The following UST variants were observed in gnomAD, a reference collection of about 807,000 sequenced individuals.
UST encodes the protein uronyl 2-sulfotransferase.
A neutral mutation model predicts 45.6 loss-of-function variants in UST; 21 were observed. The observed-to-expected ratio is 0.46, with a 90% CI of 0.33 to 0.66. UST has a LOEUF of 0.66. Among genes scored for constraint, UST ranks in the 30% least tolerant of loss-of-function variants. The probability of loss-of-function intolerance (pLI) is 0.02; values close to 1 mark genes in which losing one functional copy is unlikely to be tolerated. For synonymous variants in UST, 215 were observed against 200.6 expected, an observed-to-expected ratio of 1.07 and a Z score of -0.61; for missense variants, 463 against 512.4, an observed-to-expected ratio of 0.90 and a Z score of 0.93.
chr6:148,756,756 G>A (rs1003945596), intron 1 of UST, among the ~76,000 whole-genome samples: 1 of 152,166 alleles, frequency 6.6e-6, no homozygotes, highest in Non-Finnish European at 1.5e-5. Flanking sequence ...TCAGTGCTTC[G>A]CATCCCTGCT....
intron 1 of UST, among the ~76,000 whole-genome samples, chr6:148,853,581 G>A (rs1312054704): frequency 6.6e-6 from 1 of 152,190 alleles, no homozygotes; most frequent in Admixed American, 6.5e-5. Context: ...CCCACCAACA[G>A]TGTAAAAGCG....
intron 1 of UST, among the ~76,000 whole-genome samples, chr6:148,838,537 T>A (rs1293485968): frequency 6.6e-6 from 1 of 152,176 alleles, no homozygotes; most frequent in East Asian, 1.9e-4. Context: ...TTGCTGTTGC[T>A]GTTGCTGTTG....
chr6:148,851,427 TC>T (rs1401655628), intron 1 of UST, among the ~76,000 whole-genome samples: 1 of 152,120 alleles, frequency 6.6e-6, no homozygotes, highest in Non-Finnish European at 1.5e-5. Context: ...GGTAGAAAAT[TC>T]CTGGAAATCC....
At chr6:148,838,936 G>T (rs906467647) in intron 1 of UST, among the ~76,000 whole-genome samples, 5 of 151,984 alleles carry the variant, frequency 3.3e-5, no homozygotes, top group Admixed American at 3.3e-4. Context: ...TTCTGAATAG[G>T]TATATGCCCC....
chr6:149,048,619 G>A (rs1776428052), intron 7 of UST, among the ~76,000 whole-genome samples: 2 of 151,468 alleles, frequency 1.3e-5, no homozygotes, highest in African/African-American at 2.4e-5. Context: ...ACATACTTAA[G>A]TTGGCAAAAT....
intron 7 of UST, among the ~76,000 whole-genome samples, chr6:149,060,938 G>C (rs1044292521): frequency 1.3e-5 from 2 of 152,116 alleles, no homozygotes; most frequent in Non-Finnish European, 2.9e-5. Context: ...TATTAAACTA[G>C]TATTTGTTTG....
At chr6:148,869,958 A>C (rs1433434659) in intron 1 of UST, among the ~76,000 whole-genome samples, 1 of 152,198 alleles carries the variant, frequency 6.6e-6, no homozygotes, top group Non-Finnish European at 1.5e-5. Flanking sequence ...TTATGTGTGC[A>C]TTGACACCAA....
intron 4 of UST, among the ~76,000 whole-genome samples, chr6:148,960,014 C>T (rs1450436814): frequency 2.0e-5 from 3 of 152,008 alleles, no homozygotes; most frequent in East Asian, 1.9e-4. Context: ...CTTGGCTGGG[C>T]GCAGTGACTG....
intron 4 of UST, among the ~76,000 whole-genome samples, chr6:148,962,740 A>G: frequency 6.6e-6 from 1 of 152,352 alleles, no homozygotes; most frequent in South Asian, 2.1e-4. Flanking sequence ...TAAGGGCTCC[A>G]GGGTGTCATT....
chr6:148,806,035 T>C (rs1159601308), intron 1 of UST, among the ~76,000 whole-genome samples: 1 of 152,136 alleles, frequency 6.6e-6, no homozygotes, highest in Non-Finnish European at 1.5e-5. Context: ...GGAGGACCAG[T>C]TTCTTTGCTG....
At chr6:148,919,286 G>A (rs1363458550) in intron 2 of UST, among the ~76,000 whole-genome samples, 1 of 152,136 alleles carries the variant, frequency 6.6e-6, no homozygotes, top group Admixed American at 6.6e-5. Context: ...ACCACCAGAG[G>A]TCTTGCCAGC....
chr6:148,831,271 A>T (rs947574030), intron 1 of UST, among the ~76,000 whole-genome samples: 5 of 152,324 alleles, frequency 3.3e-5, no homozygotes, highest in Admixed American at 1.3e-4. Context: ...CATTTTGCAG[A>T]TGAAAAAATT....
Position 148,934,423 on chromosome 6 carries a change from T to C in UST, c.292-6856T>C, listed in dbSNP as rs1371558395. On this transcript the variant is annotated intron_variant, in intron 2 of 7. Transcript: ENST00000367463. This position sits in a 1 kb window ranked among gnomAD's most constrained non-coding sequence, Gnocchi z 4.1. Reference sequence around the variant, plus strand: ...CAGTATAATATTCATGCTAAGGGTCTAATGCTTTAACAACATTCAGTATAA... The same window carrying C: ...CAGTATAATATTCATGCTAAGGGTCCAATGCTTTAACAACATTCAGTATAA... Among the ~76,000 whole-genome samples the C allele has an allele frequency of 6.6e-6, 1 of 152,248 alleles. No individual in the cohort carries two copies. The highest frequency in any genetic ancestry group is 2.4e-5 in the African/African-American group (1 of 41,462).
intron 7 of UST, among the ~76,000 whole-genome samples, chr6:149,048,405 G>A (rs532989197): frequency 5.5e-4 from 84 of 151,946 alleles, no homozygotes; most frequent in African/African-American, 1.8e-3. Flanking sequence ...GTGTGGTGGC[G>A]GATGCCTGTA....
chr6:148,998,767 T>C (rs1167683977), intron 5 of UST, among the ~76,000 whole-genome samples: 1 of 152,270 alleles, frequency 6.6e-6, no homozygotes, highest in Non-Finnish European at 1.5e-5. Flanking sequence ...ATTGACTGTA[T>C]GCTTCAGAAT....
chr6:149,039,317 C>T (rs1562336681), intron 7 of UST, among the ~76,000 whole-genome samples: 1 of 152,204 alleles, frequency 6.6e-6, no homozygotes. Context: ...ACCTTCGCCT[C>T]TCAGGTTCAA....
At chr6:148,850,136 C>G (rs1052055037) in intron 1 of UST, among the ~76,000 whole-genome samples, 1 of 152,104 alleles carries the variant, frequency 6.6e-6, no homozygotes, top group Non-Finnish European at 1.5e-5. Context: ...AGTGTTTTCA[C>G]TTTTTGAAAA....
intron 1 of UST, among the ~76,000 whole-genome samples, chr6:148,808,432 G>A (rs1777191618): frequency 6.6e-6 from 1 of 151,948 alleles, no homozygotes; most frequent in Non-Finnish European, 1.5e-5. Context: ...TTGTGAGGGG[G>A]GTGGGCTTTC....
At chr6:148,867,511 T>A (rs1421119289) in intron 1 of UST, among the ~76,000 whole-genome samples, 2 of 152,162 alleles carry the variant, frequency 1.3e-5, no homozygotes, top group East Asian at 3.9e-4. Context: ...CCCATCCAAA[T>A]CTCATCTTGA....
Sources: allele counts gnomAD v4.1 joint callset (sites outside exome capture counted in the v4.1 genomes callset), GRCh38; gene constraint gnomAD v4.1.1; non-coding constraint Gnocchi (gnomAD v3.1); transcripts MANE v1.5; gene names NCBI Gene and HGNC (gene_info 2026-07-23, HGNC 2026-07-21).